Variants in DYNC2I1 observed in about 807,000 individuals in gnomAD.
DYNC2I1 encodes cytoplasmic dynein 2 intermediate chain 1.
Under a neutral mutation model 133.4 loss-of-function variants are expected in DYNC2I1, and 89 were observed. The observed-to-expected ratio is 0.67, with a 90% CI of 0.56 to 0.80. The LOEUF is 0.80. Ranked by LOEUF, DYNC2I1 falls within the 30% of genes least tolerant of loss-of-function variation. The pLI is 0.00. For missense variants in DYNC2I1, 1,291 were observed against 1,314.5 expected (o/e 0.98, Z 0.28); for synonymous variants, 504 against 484.3 (o/e 1.04, Z -0.54).
intron 21 of DYNC2I1, among the ~76,000 whole-genome samples, chr7:158,931,002 A>G (rs933799850): frequency 1.3e-5 from 2 of 152,194 alleles, no homozygotes; most frequent in African/African-American, 4.8e-5. Context: ...AATGTAATAA[A>G]TGCAGCTTCC....
Position 158,918,885 on chromosome 7 carries a change from C to T in DYNC2I1, c.1921+16C>T, listed in dbSNP as rs1225417655. The T allele has an allele frequency of 1.2e-5, 19 of 1,605,506 alleles. No homozygotes were observed. The East Asian group carries it at 4.2e-4, about 36-fold the overall frequency. ...TTCCTTCAAAGTAAGAGGCTGTTCT[C>T]AAATATGATTTTAAATCCAGTGACT... On this transcript the variant is annotated intron_variant, in intron 15 of 24. Transcript: ENST00000407559.
intron 8 of DYNC2I1, among the ~76,000 whole-genome samples, chr7:158,899,425 A>G (rs1026981945): frequency 6.6e-6 from 1 of 152,216 alleles, no homozygotes; most frequent in African/African-American, 2.4e-5. Flanking sequence ...TATCTGTTAG[A>G]TCAATTAAGG....
rs1371317218 is a variant in DYNC2I1 at position 158,885,406 on chromosome 7, A to G, written c.935+787A>G. Among the ~76,000 whole-genome samples the G allele has an allele frequency of 2.6e-5, 4 of 151,680 alleles. No individual in the cohort carries two copies. In the South Asian group the frequency reaches 6.3e-4, roughly 24 times the overall value. ...GCCGAGCCTGGAGTGCAGTGGCGCA[A>G]TCTCGGCTCACTGCAACCTCCGCCT... On this transcript the variant is annotated intron_variant, in intron 6 of 24. Transcript: ENST00000407559.
downstream of DYNC2I1, among the ~76,000 whole-genome samples, chr7:158,949,628 G>A (rs558405046): frequency 1.6e-4 from 16 of 98,994 alleles, no homozygotes; most frequent in African/African-American, 3.9e-4. Flanking sequence ...GCAGTTCAGC[G>A]GAGCAGGAGG....
chr7:158,901,520 A>T (rs1057189500), intron 8 of DYNC2I1, among the ~76,000 whole-genome samples: 2 of 152,242 alleles, frequency 1.3e-5, no homozygotes, highest in African/African-American at 4.8e-5. Flanking sequence ...GAGGTTTCCC[A>T]AAAAGGATGT....
chr7:158,941,814 C>T (rs529114324), intron 23 of DYNC2I1, 111 bp from the exon 24 acceptor site: 66 of 1,279,566 alleles, frequency 5.2e-5, no homozygotes, highest in Non-Finnish European at 7.2e-5. Context: ...GGAGGTCAAG[C>T]TGCCATGAGC....
At chr7:158,847,670 T>C in the DYNC2I1 span, among the ~76,000 whole-genome samples, 1 of 152,192 alleles carries the variant, frequency 6.6e-6, no homozygotes. Context: ...TTTTCTGTAA[T>C]AGCTAAAATG....
chr7:158,948,031 C>G (rs1434912532), downstream of DYNC2I1, among the ~76,000 whole-genome samples: 1 of 152,226 alleles, frequency 6.6e-6, no homozygotes, highest in Admixed American at 6.5e-5. Flanking sequence ...GCCTCACCCC[C>G]AGGGAGGAGC....
chr7:158,929,418 G>A (rs1035551903), intron 20 of DYNC2I1, among the ~76,000 whole-genome samples: 1 of 149,760 alleles, frequency 6.7e-6, no homozygotes, highest in African/African-American at 2.5e-5. Context: ...GTGGGCGGTG[G>A]CGTGTAGGGG....
chr7:158,948,317 G>C (rs932502585), downstream of DYNC2I1, among the ~76,000 whole-genome samples: 2 of 152,228 alleles, frequency 1.3e-5, no homozygotes. Flanking sequence ...CTTGCTGCAC[G>C]CAGGCTGAGC....
chr7:158,865,968 C>A, intron 1 of DYNC2I1, among the ~76,000 whole-genome samples: 1 of 152,076 alleles, frequency 6.6e-6, no homozygotes, highest in East Asian at 1.9e-4. Flanking sequence ...CCAAAGTAGT[C>A]AGTATTCTGT....
At chr7:158,872,216 C>T (rs180806600) in intron 3 of DYNC2I1, among the ~76,000 whole-genome samples, 1 of 152,136 alleles carries the variant, frequency 6.6e-6, no homozygotes, top group African/African-American at 2.4e-5. Flanking sequence ...TTTGGTAGGC[C>T]GAGGTGGGAG....
At chr7:158,925,472 G>A (rs1188123683) in intron 17 of DYNC2I1, among the ~76,000 whole-genome samples, 2 of 152,070 alleles carry the variant, frequency 1.3e-5, no homozygotes, top group Non-Finnish European at 2.9e-5. Context: ...CTTGTTTTTA[G>A]GAGGGATAAT....
intron 8 of DYNC2I1, 52 bp from the exon 9 acceptor site, chr7:158,901,687 A>G: frequency 8.4e-7 from 1 of 1,184,560 alleles, no homozygotes; most frequent in Non-Finnish European, 1.2e-6. Context: ...TATTTGCAAT[A>G]TTCAATTTTA....
intron 1 of DYNC2I1, among the ~76,000 whole-genome samples, chr7:158,867,091 A>G (rs1275329718): frequency 6.6e-6 from 1 of 151,432 alleles, no homozygotes; most frequent in African/African-American, 2.4e-5. Flanking sequence ...GTGTTTCTCA[A>G]AGGGAAAAAT....
chr7:158,857,027 G>C (rs1841323780), intron 1 of DYNC2I1, among the ~76,000 whole-genome samples: 1 of 152,062 alleles, frequency 6.6e-6, no homozygotes, highest in African/African-American at 2.4e-5. Context: ...CCGTCTCCTC[G>C]CGCCCGGCCT....
chr7:158,844,621 AT>A, the DYNC2I1 span, among the ~76,000 whole-genome samples: 6 of 151,304 alleles, frequency 4.0e-5, no homozygotes, highest in Non-Finnish European at 7.4e-5. Context: ...AATTGCTCTC[AT>A]TTTTTTTCTT....
intron 15 of DYNC2I1, among the ~76,000 whole-genome samples, chr7:158,921,930 C>G (rs1256343761): frequency 1.3e-5 from 2 of 152,156 alleles, no homozygotes; most frequent in Non-Finnish European, 2.9e-5. Context: ...GGAGCAGTGT[C>G]TGGAACGGCG....
At chr7:158,955,572 G>T (rs1563223110) in intron 4 of DYNC2I1, among the ~76,000 whole-genome samples, 1 of 152,238 alleles carries the variant, frequency 6.6e-6, no homozygotes, top group Admixed American at 6.5e-5. Flanking sequence ...CCAGGCGGTG[G>T]TTCTGGCGCT....
Sources: gnomAD v4.1 joint callset for allele counts (sites outside exome capture counted in the v4.1 genomes callset) on GRCh38, gnomAD v4.1.1 for gene constraint, MANE v1.5 for transcripts, NCBI Gene and HGNC (gene_info 2026-07-23, HGNC 2026-07-21) for gene names.